The following NRXN3 variants were observed in gnomAD, a reference collection of about 807,000 sequenced individuals.
NRXN3 encodes the protein neurexin 3.
Under a neutral mutation model 137.6 loss-of-function variants are expected in NRXN3, and 32 were observed. The ratio of observed to expected loss-of-function variants is 0.23; its 90% confidence interval spans 0.18 to 0.31. The LOEUF (loss-of-function observed/expected upper bound fraction) is 0.31, where lower values mean the gene tolerates loss of function less well. Ranked by LOEUF, NRXN3 falls within the 10% of genes least tolerant of loss-of-function variation. The pLI, the probability that NRXN3 is intolerant of heterozygous loss-of-function variation, is 1.00. For synonymous variants in NRXN3, 798 were observed against 784.5 expected, an observed-to-expected ratio of 1.02 and a Z score of -0.29; for missense variants, 1,574 against 2,062.5, an observed-to-expected ratio of 0.76 and a Z score of 4.59.
rs192344768 is a variant in NRXN3 at position 78,916,787 on chromosome 14, G to A, written c.2276-40455G>A. ...TTAAACAATAGAAATTTATTTCCTC[G>A]CAGTTCTGCAGGGTGGACCTCCCAA... is the stretch of plus-strand genomic sequence containing the variant. On this transcript the variant is annotated intron_variant, in intron 10 of 20. Coordinates refer to ENST00000335750, the MANE Select transcript of NRXN3 (RefSeq NM_001330195.2). Among the ~76,000 whole-genome samples the A allele has an allele frequency of 4.7e-3, 709 of 152,206 alleles. 5 individuals are homozygous for A. The highest frequency in any genetic ancestry group is 0.016 in the African/African-American group (670 of 41,538).
At chr14:78,967,506 C>G (rs1163748496) in intron 13 of NRXN3, 108 bp downstream of exon 13, 2 of 735,856 alleles carry the variant, frequency 2.7e-6, no homozygotes, top group East Asian at 5.4e-5. Context: ...TTTGATACAT[C>G]ATCCATATCC....
At chr14:78,626,933 C>T (rs983264227) in intron 4 of NRXN3, among the ~76,000 whole-genome samples, 2 of 152,206 alleles carry the variant, frequency 1.3e-5, no homozygotes, top group African/African-American at 4.8e-5. Context: ...TTATTTTCCC[C>T]TACCAGCATG....
chr14:78,807,434 G>A (rs563193290), intron 9 of NRXN3, among the ~76,000 whole-genome samples: 2 of 152,108 alleles, frequency 1.3e-5, no homozygotes, highest in East Asian at 3.9e-4. Context: ...GCTCAACAAC[G>A]AGAAAAACTT....
intron 19 of NRXN3, among the ~76,000 whole-genome samples, chr14:79,802,793 G>GC (rs2099186925): frequency 1.3e-5 from 2 of 152,040 alleles, no homozygotes; most frequent in African/African-American, 4.8e-5. Context: ...ACAAATAACA[G>GC]CCCCCCAGGA....
chr14:78,261,209 C>T (rs559786269), intron 2 of NRXN3, among the ~76,000 whole-genome samples: 64 of 152,292 alleles, frequency 4.2e-4, no homozygotes, highest in African/African-American at 1.4e-3. Context: ...ACCTTGTCCT[C>T]GGCTGGCCCA....
chr14:78,180,581 A>G (rs1452160271), intron 1 of NRXN3, among the ~76,000 whole-genome samples: 1 of 152,216 alleles, frequency 6.6e-6, no homozygotes, highest in East Asian at 1.9e-4. Flanking sequence ...TGGAGCTGGA[A>G]TAAATTTCTG....
intron 16 of NRXN3, among the ~76,000 whole-genome samples, chr14:79,522,253 G>T (rs2097073353): frequency 6.6e-6 from 1 of 152,098 alleles, no homozygotes; most frequent in South Asian, 2.1e-4. Flanking sequence ...ACAGACCGAG[G>T]AGTCTGGATT....
intron 19 of NRXN3, among the ~76,000 whole-genome samples, chr14:79,778,733 A>G (rs2099105181): frequency 6.6e-6 from 1 of 152,172 alleles, no homozygotes; most frequent in South Asian, 2.1e-4. Context: ...TAGTTTAAAA[A>G]AAACATTGTT....
At position 78,764,990 on chromosome 14, in the gene NRXN3, T is replaced by G. The variant is rs2098704223; in HGVS notation, c.2045-38630T>G. ...GGGATTTAGACAAGATTTGCTTTGC[T>G]AGTGAAGGGAGTGGGTAGAAGAATT... is the stretch of plus-strand genomic sequence containing the variant. On this transcript the variant is annotated intron_variant, in intron 8 of 20. Coordinates refer to ENST00000335750, the MANE Select transcript of NRXN3 (RefSeq NM_001330195.2). 4.6e-5 allele frequency among the ~76,000 whole-genome samples: 7 copies of G among 152,164 alleles called. 2 individuals are homozygous for G. The South Asian group carries it at 1.4e-3, about 32-fold the overall frequency.
At chr14:79,300,480 A>C (rs1178523090) in intron 15 of NRXN3, among the ~76,000 whole-genome samples, 1 of 151,808 alleles carries the variant, frequency 6.6e-6, no homozygotes, top group Non-Finnish European at 1.5e-5. Flanking sequence ...TAGACGGGGG[A>C]TGATGATGGT....
intron 1 of NRXN3, among the ~76,000 whole-genome samples, chr14:78,216,557 G>A (rs994835250): frequency 5.9e-5 from 9 of 152,154 alleles, no homozygotes; most frequent in African/African-American, 2.2e-4. Context: ...GGCTGGCAAA[G>A]GCAAGTTGGC....
intron 10 of NRXN3, among the ~76,000 whole-genome samples, chr14:78,953,753 G>C (rs2099391347): frequency 1.4e-5 from 2 of 143,988 alleles, no homozygotes; most frequent in East Asian, 2.6e-4. Flanking sequence ...AGAATCAAAG[G>C]ATTTTTTTTT....
intron 16 of NRXN3, among the ~76,000 whole-genome samples, chr14:79,660,382 T>G: frequency 6.6e-6 from 1 of 152,150 alleles, no homozygotes; most frequent in East Asian, 1.9e-4. Context: ...CGGCCACATT[T>G]ACCATTGTGG....
chr14:78,262,609 A>G (rs2070934175), intron 2 of NRXN3, among the ~76,000 whole-genome samples: 2 of 152,004 alleles, frequency 1.3e-5, no homozygotes, highest in South Asian at 4.2e-4. Flanking sequence ...CTCCTCCTTA[A>G]TGTCTCAGTC....
chr14:78,423,829 C>T (rs2153680191), intron 4 of NRXN3, among the ~76,000 whole-genome samples: 1 of 152,244 alleles, frequency 6.6e-6, no homozygotes, highest in Middle Eastern at 3.4e-3. Context: ...GGACTATTAG[C>T]AAGGGTTTAT....
chr14:79,412,121 G>A (rs1202613885), intron 15 of NRXN3, among the ~76,000 whole-genome samples: 5 of 152,110 alleles, frequency 3.3e-5, no homozygotes, highest in Admixed American at 2.6e-4. Context: ...AGAGTGAAAT[G>A]TAAAAAGTGC....
At chr14:78,940,950 G>C (rs144907981) in intron 10 of NRXN3, among the ~76,000 whole-genome samples, 116 of 152,294 alleles carry the variant, frequency 7.6e-4, no homozygotes, top group African/African-American at 2.0e-3. Flanking sequence ...TTCAGTAGGA[G>C]CATATGTAGC....
At chr14:79,764,738 G>T (rs1321427224) in intron 19 of NRXN3, among the ~76,000 whole-genome samples, 5 of 152,132 alleles carry the variant, frequency 3.3e-5, no homozygotes, top group Non-Finnish European at 7.3e-5. Flanking sequence ...TGGCCAGGCT[G>T]CTCTGGAGGA....
chr14:78,263,179 C>T (rs544642192), intron 2 of NRXN3, among the ~76,000 whole-genome samples: 19 of 152,102 alleles, frequency 1.2e-4, no homozygotes, highest in Admixed American at 4.6e-4. Flanking sequence ...TAGAGAAATA[C>T]AGTTAGCCAA....
Sources: gnomAD v4.1 joint callset for allele counts (sites outside exome capture counted in the v4.1 genomes callset) on GRCh38, gnomAD v4.1.1 for gene constraint, MANE v1.5 for transcripts, NCBI Gene and HGNC (gene_info 2026-07-23, HGNC 2026-07-21) for gene names.